KLRK1: variants seen among roughly 807,000 people sequenced by gnomAD.
The protein encoded by KLRK1 is NKG2-D type II integral membrane protein.
In KLRK1, 40 loss-of-function variants were observed where a neutral mutation model predicts 31.3. The ratio of observed to expected loss-of-function variants is 1.28; its 90% confidence interval spans 0.99 to 1.67. The LOEUF is 1.67. Ranked by LOEUF, KLRK1 falls within the 40% of genes most tolerant of loss-of-function variation. The probability of loss-of-function intolerance (pLI) is 0.00; values close to 1 mark genes in which losing one functional copy is unlikely to be tolerated. For synonymous variants in KLRK1, 77 were observed against 77.3 expected (o/e 1.00, Z 0.02); for missense variants, 251 against 260.0 (o/e 0.97, Z 0.24).
chr12:10,387,613 T>G (rs1040407492), intron 2 of KLRK1, among the ~76,000 whole-genome samples: 1 of 151,870 alleles, frequency 6.6e-6, no homozygotes, highest in Non-Finnish European at 1.5e-5. Flanking sequence ...TGGCGTGATA[T>G]TGGCTCACTG....
chr12:10,376,955 T>A (rs574042313), intron 7 of KLRK1, among the ~76,000 whole-genome samples: 1 of 152,222 alleles, frequency 6.6e-6, no homozygotes, highest in African/African-American at 2.4e-5. Flanking sequence ...TAGCTGGGAT[T>A]ACAGACACCT....
chr12:10,373,515 G>A (rs992243997), intron 7 of KLRK1, among the ~76,000 whole-genome samples: 1 of 152,116 alleles, frequency 6.6e-6, no homozygotes, highest in Non-Finnish European at 1.5e-5. Context: ...ACTTTAGAAT[G>A]TTTATTTTAA....
At position 10,373,129 on chromosome 12, in the gene KLRK1, C is replaced by A; in HGVS notation, c.636G>T (p.Met212Ile). The change falls in exon 8 of 8, where the codon ATG (methionine) becomes ATT (isoleucine). Residue 212 changes from methionine (M) to isoleucine (I), a missense_variant. Met to Ile is a conservative substitution (Grantham distance 10). Transcript: ENST00000240618. The part of the protein sequence containing the change: ...NCSTPNTYIC[M>I]QRTV ...TTGATCATCTTTACACAGTCCTTTG[C>A]ATGCAGATGTACGTATTTGGAGTTG... is the stretch of plus-strand genomic sequence containing the variant. 1 of 1,612,280 alleles carries A rather than the reference C, an allele frequency of 6.2e-7. No homozygotes were observed. The highest frequency in any genetic ancestry group is 2.2e-5 in the East Asian group (1 of 44,766).
At chr12:10,382,933 A>T (rs1208868227) in intron 3 of KLRK1, among the ~76,000 whole-genome samples, 1 of 152,132 alleles carries the variant, frequency 6.6e-6, no homozygotes, top group Non-Finnish European at 1.5e-5. Context: ...AGCTGTCATC[A>T]GTATAAAATA....
intron 2 of KLRK1, among the ~76,000 whole-genome samples, chr12:10,387,875 C>A (rs2137821838): frequency 6.6e-6 from 1 of 152,234 alleles, no homozygotes; most frequent in Non-Finnish European, 1.5e-5. Context: ...GAAGGACATA[C>A]ATAGGCTAAA....
At chr12:10,377,888 T>G (rs1265993709) in intron 7 of KLRK1, among the ~76,000 whole-genome samples, 1 of 152,204 alleles carries the variant, frequency 6.6e-6, no homozygotes, top group African/African-American at 2.4e-5. Flanking sequence ...AAAACGAACA[T>G]ATTAGACCTG....
At chr12:10,388,669 C>T in intron 2 of KLRK1, 102 bp downstream of exon 2, 1 of 1,261,572 alleles carries the variant, frequency 7.9e-7, no homozygotes, top group Non-Finnish European at 1.1e-6. Flanking sequence ...TGAAAAGAAT[C>T]AGAGTAAATT....
intron 3 of KLRK1, among the ~76,000 whole-genome samples, chr12:10,382,715 G>A (rs952538973): frequency 7.2e-5 from 11 of 152,236 alleles, no homozygotes; most frequent in East Asian, 3.9e-4. Context: ...TGTAATTGTG[G>A]TGCCTCAACC....
chr12:10,373,434 T>A (rs987858644), intron 7 of KLRK1, among the ~76,000 whole-genome samples: 2 of 152,228 alleles, frequency 1.3e-5, no homozygotes, highest in African/African-American at 2.4e-5. Context: ...CCACTCTTTT[T>A]ATCATACATC....
At chr12:10,381,435 A>G (rs1863072889) in intron 3 of KLRK1, among the ~76,000 whole-genome samples, 1 of 152,192 alleles carries the variant, frequency 6.6e-6, no homozygotes, top group African/African-American at 2.4e-5. Context: ...GACAATATCT[A>G]TCATCATAAA....
At chr12:10,379,901 CT>C in intron 3 of KLRK1, 109 bp from the exon 4 acceptor site, 2 of 947,694 alleles carry the variant, frequency 2.1e-6, no homozygotes, top group Non-Finnish European at 3.0e-6. Context: ...GGTATTGATC[CT>C]TTTTCTGCCT....
chr12:10,377,498 A>C (rs909786002), intron 7 of KLRK1, among the ~76,000 whole-genome samples: 1 of 152,216 alleles, frequency 6.6e-6, no homozygotes, highest in African/African-American at 2.4e-5. Flanking sequence ...TCTCAAGATA[A>C]CTTTTCTAAG....
Position 10,372,888 on chromosome 12 carries a change from G to C in KLRK1, c.*226C>G. 1 of 462,026 alleles carries C rather than the reference G, an allele frequency of 2.2e-6. No homozygotes were observed. The allele number at this position is 462,026 out of a possible 1,614,324, so 28.6% of individuals were successfully genotyped here. On this transcript the variant is annotated 3_prime_UTR_variant, in exon 8 of 8. Transcript: ENST00000240618. ...GGCTTGTGGTGGGAGAGGCAGCCTT[G>C]GGGATATCTGAATTGCCTTTAGGAT...
intron 5 of KLRK1, chr12:10,378,925 A>G: frequency 2.4e-6 from 1 of 410,236 alleles, no homozygotes; most frequent in Non-Finnish European, 4.1e-6. Flanking sequence ...AGGCCAAGGC[A>G]GGTGACTCAC....
intron 3 of KLRK1, among the ~76,000 whole-genome samples, chr12:10,380,382 T>C (rs981154933): frequency 1.1e-4 from 17 of 152,170 alleles, no homozygotes; most frequent in African/African-American, 3.9e-4. Context: ...ATTATTTTTA[T>C]GCAGATACAA....
Position 10,372,925 on chromosome 12 carries a change from T to C in KLRK1, c.*189A>G. 3 of 554,698 alleles carry C rather than the reference T, an allele frequency of 5.4e-6. No individual in the cohort carries two copies. The highest frequency in any genetic ancestry group is 9.3e-6 in the Non-Finnish European group (3 of 322,922). 34.4% of individuals were successfully genotyped at this position (554,698 alleles called of 1,614,324 possible). A position where few individuals can be genotyped will look rare whatever the true frequency, so the allele number is the denominator to read the frequency against. The stretch of plus-strand genomic sequence containing the variant: ...ATTGCCTTTAGGATCTCTCTTCTTT[T>C]GTCTTGGAGAATCATGCATGTTTGC... On this transcript the variant is annotated 3_prime_UTR_variant, in exon 8 of 8. Coordinates refer to ENST00000240618, the MANE Select transcript of KLRK1 (RefSeq NM_007360.4).
chr12:10,386,808 T>C (rs935354090), intron 3 of KLRK1, 95 bp downstream of exon 3: 3 of 780,126 alleles, frequency 3.8e-6, no homozygotes, highest in African/African-American at 1.8e-5. Flanking sequence ...CTCATGAAGA[T>C]AAAGTCAACT....
intron 7 of KLRK1, chr12:10,373,894 AAAAT>A (rs781393496): frequency 3.3e-5 from 5 of 152,288 alleles, no homozygotes; most frequent in Non-Finnish European, 5.9e-5. Context: ...AATTGACAAA[AAAAT>A]AAAAAGATTA....
At position 10,373,132 on chromosome 12, in the gene KLRK1, G is replaced by A; in HGVS notation, c.633C>T (p.Cys211=). The A allele has an allele frequency of 2.5e-6, 4 of 1,612,132 alleles. No homozygotes were observed. Among genetic ancestry groups the A allele is most frequent in the Non-Finnish European group, 3.4e-6 (4 of 1,179,230 alleles). Residue 211 remains cysteine, a synonymous_variant, in exon 8 of 8, where the codon TGC becomes TGT. Coordinates refer to ENST00000240618, the MANE Select transcript of KLRK1 (RefSeq NM_007360.4). ...ENCSTPNTYI[C]MQRTV is the part of the protein sequence containing the mutation. The stretch of plus-strand genomic sequence containing the variant: ...ATCATCTTTACACAGTCCTTTGCAT[G>A]CAGATGTACGTATTTGGAGTTGAAC...
Sources: gnomAD v4.1 joint callset for allele counts (sites outside exome capture counted in the v4.1 genomes callset) on GRCh38, gnomAD v4.1.1 for gene constraint, MANE v1.5 for transcripts, NCBI Gene and HGNC (gene_info 2026-07-23, HGNC 2026-07-21) for gene names.